Variants in JCAD observed in about 807,000 individuals in gnomAD.
JCAD encodes the protein junctional cadherin 5 associated.
Under a neutral mutation model 98.0 loss-of-function variants are expected in JCAD, and 40 were observed. That is an observed-to-expected ratio of 0.41 (90% CI 0.32 to 0.53). The LOEUF (loss-of-function observed/expected upper bound fraction) is 0.53. Ranked by LOEUF, JCAD falls within the 20% of genes least tolerant of loss-of-function variation. JCAD has a pLI of 0.31. For missense variants in JCAD, 1,705 were observed against 1,738.1 expected, an observed-to-expected ratio of 0.98 and a Z score of 0.34; for synonymous variants, 691 against 682.3, an observed-to-expected ratio of 1.01 and a Z score of -0.20.
At position 30,027,586 on chromosome 10, in the gene JCAD, G is replaced by GCTGCTGCTGCTA. The variant is rs1321090953; in HGVS notation, c.2550_2561dup (p.Ser856_Ser859dup). 12 of 1,614,018 alleles carry GCTGCTGCTGCTA rather than the reference G, an allele frequency of 7.4e-6. No individual in the cohort carries two copies. Among genetic ancestry groups the GCTGCTGCTGCTA allele is most frequent in the African/African-American group, 4.0e-5 (3 of 74,926 alleles). On this transcript the variant is annotated inframe_insertion, in exon 3 of 4. Transcript: ENST00000375377. ...CACTCTCCTCACTGCTGCTGCTGCT[G>GCTGCTGCTGCTA]CTGCTGCTGCTACTGCTGCTTTCTT...
chr10:30,040,335 A>C (rs555345665), intron 2 of JCAD, among the ~76,000 whole-genome samples: 134 of 152,336 alleles, frequency 8.8e-4, no homozygotes, highest in Admixed American at 3.2e-3. Flanking sequence ...GCTCTAATCC[A>C]TTCTCTCTCA....
intron 1 of JCAD, among the ~76,000 whole-genome samples, chr10:30,092,058 A>C (rs1434631490): frequency 1.7e-4 from 4 of 22,998 alleles, no homozygotes; most frequent in Admixed American, 2.1e-3. Flanking sequence ...AAAAAAAAAA[A>C]AAAAAAATAT....
chr10:30,062,813 C>G (rs549231430), upstream of JCAD, among the ~76,000 whole-genome samples: 18 of 152,348 alleles, frequency 1.2e-4, no homozygotes, highest in Non-Finnish European at 2.1e-4. Context: ...TTACCTCCCA[C>G]TGGGTCCCTC....
At position 30,022,252 on chromosome 10, in the gene JCAD, G is replaced by A. The variant is rs149623095; in HGVS notation, c.4045+3851C>T. Among the ~76,000 whole-genome samples the A allele has an allele frequency of 3.0e-3, 451 of 152,330 alleles. 12 individuals carry two copies. The highest frequency in any genetic ancestry group is 0.024 in the Admixed American group (374 of 15,300). ...TATGACAGGCACGGCACAAGGGTGT[G>A]TGTGTAGGGTGGGGTGGTGCGGATA... On this transcript the variant is annotated intron_variant, in intron 3 of 3. Transcript: ENST00000375377.
In JCAD at chr10:30,029,263, G is replaced by A; in HGVS notation, c.885C>T (p.Pro295=). Residue 295 remains proline, a synonymous_variant, in exon 3 of 4, where the codon CCC becomes CCT. Transcript: ENST00000375377. ...ACTGCTGGTGCGAGCTGTAAGATGG[G>A]GGCTTGAGGGGCCTCCCAAACTTAG... is the stretch of plus-strand genomic sequence containing the variant. ...PRPKFGRPLK[P]PSYSSHQQSR... 1 of 1,614,148 alleles carries A rather than the reference G, an allele frequency of 6.2e-7. No individual in the cohort carries two copies. Among genetic ancestry groups the A allele is most frequent in the Non-Finnish European group, 8.5e-7 (1 of 1,180,036 alleles).
chr10:30,041,701 T>C (rs577621822), intron 2 of JCAD, among the ~76,000 whole-genome samples: 10 of 152,342 alleles, frequency 6.6e-5, no homozygotes, highest in African/African-American at 1.4e-4. Context: ...AAAAAAATCT[T>C]ACCAGAATTC....
exon 2 of JCAD, chr10:30,069,778 T>C (rs1471103054): frequency 6.6e-6 from 1 of 152,118 alleles, no homozygotes; most frequent in Non-Finnish European, 1.5e-5. Flanking sequence ...TGAACTGTGA[T>C]TGCACCAATG....
At chr10:30,107,607 G>A (rs1408937064) in intron 1 of JCAD, among the ~76,000 whole-genome samples, 2 of 152,162 alleles carry the variant, frequency 1.3e-5, no homozygotes, top group Non-Finnish European at 2.9e-5. Context: ...CCACTGCTCT[G>A]CCTATGAAGT....
chr10:30,051,739 G>C (rs2132648971), intron 1 of JCAD, among the ~76,000 whole-genome samples: 1 of 152,232 alleles, frequency 6.6e-6, no homozygotes, highest in Admixed American at 6.5e-5. Context: ...GGGACCTGTA[G>C]TTACAAGTCC....
chr10:30,069,272 G>T (rs1035861948), intron 2 of JCAD, among the ~76,000 whole-genome samples: 5 of 151,986 alleles, frequency 3.3e-5, no homozygotes, highest in African/African-American at 1.2e-4. Context: ...AGCATTAGCT[G>T]AGGACTGGGG....
rs1836534113 is a variant in JCAD at position 30,016,377 on chromosome 10, G to C, written c.*1506C>G. On this transcript the variant is annotated 3_prime_UTR_variant, in exon 4 of 4. Coordinates refer to ENST00000375377, the MANE Select transcript of JCAD (RefSeq NM_020848.4). The stretch of plus-strand genomic sequence containing the variant: ...GGGCAAGAGGTAGCAAGGGAGGGAG[G>C]ACAGAAGGAAGGAAGAAAGGAAGGG... 1.6e-5 allele frequency: 2 copies of C among 128,840 alleles called. No individual in the cohort carries two copies. The highest frequency in any genetic ancestry group is 5.9e-5 in the African/African-American group (2 of 33,786). 8.0% of individuals were successfully genotyped at this position (128,840 alleles called of 1,614,324 possible). A position where few individuals can be genotyped will look rare whatever the true frequency, so the allele number is the denominator to read the frequency against.
intron 3 of JCAD, among the ~76,000 whole-genome samples, chr10:30,025,640 G>A (rs1836774389): frequency 1.4e-5 from 2 of 144,124 alleles, no homozygotes; most frequent in South Asian, 4.5e-4. Context: ...TGGATCTTTT[G>A]ACATTTATCT....
In JCAD at chr10:30,029,440, A is replaced by T; in HGVS notation, c.708T>A (p.Leu236=). ...CCGTGCAACTCAGGCTCTCGGGGGAAAGAACTCTAGGCAGTGAGCGAGACT... is the reference window on the plus strand; with the variant it reads ...CCGTGCAACTCAGGCTCTCGGGGGATAGAACTCTAGGCAGTGAGCGAGACT... ...KGKSRSLPRV[L]SPESLSCTEI... is the part of the protein sequence containing the mutation. The change falls in exon 3 of 4, where the codon CTT becomes CTA. Residue 236 remains leucine, a synonymous_variant. Transcript: ENST00000375377. The T allele has an allele frequency of 6.2e-7, 1 of 1,614,156 alleles. No homozygotes were observed. Among genetic ancestry groups the T allele is most frequent in the Non-Finnish European group, 8.5e-7 (1 of 1,180,016 alleles).
At chr10:30,115,225 T>C (rs1838771618) in intron 1 of JCAD, 1 of 152,202 alleles carries the variant, frequency 6.6e-6, no homozygotes, top group Non-Finnish European at 1.5e-5. Flanking sequence ...TTTATCACTT[T>C]ATTCCCCTTT....
chr10:30,091,916 T>A (rs1838273465), intron 1 of JCAD, among the ~76,000 whole-genome samples: 1 of 144,434 alleles, frequency 6.9e-6, no homozygotes, highest in African/African-American at 2.5e-5. Context: ...TAATCCCAGC[T>A]ACCTGGGAGG....
rs144238064 is a variant in JCAD at position 30,027,307 on chromosome 10, T to C, written c.2841A>G (p.Ser947=). ...VEEGGGAPFC[S]ADGSTSAEKR... is the part of the protein sequence containing the mutation. The stretch of plus-strand genomic sequence containing the variant: ...TCTCTGCACTCGTGCTTCCATCTGC[T>C]GAGCAGAAAGGTGCACCGCCACCTT... The change falls in exon 3 of 4, where the codon TCA becomes TCG. Residue 947 remains serine, a synonymous_variant. Transcript: ENST00000375377. 77 of 1,614,018 alleles carry C rather than the reference T, an allele frequency of 4.8e-5. No homozygotes were observed. The African/African-American group carries it at 8.8e-4, about 18-fold the overall frequency.
chr10:30,103,613 T>TACAC (rs5784175), intron 1 of JCAD, among the ~76,000 whole-genome samples: 53 of 97,584 alleles, frequency 5.4e-4, no homozygotes, highest in Middle Eastern at 5.9e-3. Context: ...TATGTATAAA[T>TACAC]ACACACACAC....
At chr10:30,106,588 C>T (rs1172755673) in intron 1 of JCAD, among the ~76,000 whole-genome samples, 1 of 152,196 alleles carries the variant, frequency 6.6e-6, no homozygotes, top group Non-Finnish European at 1.5e-5. Flanking sequence ...GCAACCTCTG[C>T]CTCCTGGGTT....
Position 30,015,322 on chromosome 10 carries a change from G to C in JCAD, c.*2561C>G, listed in dbSNP as rs1836511890. ...AAAAAACGAAGTTATGTATGTATGA[G>C]AAATAGAAACAATAACTAAACAATT... On this transcript the variant is annotated 3_prime_UTR_variant, in exon 4 of 4. Transcript: ENST00000375377. 2.0e-5 allele frequency: 3 copies of C among 152,130 alleles called. No homozygotes were observed. Among genetic ancestry groups the C allele is most frequent in the Non-Finnish European group, 4.4e-5 (3 of 68,022 alleles). The allele number at this position is 152,130 out of a possible 1,614,324, so 9.4% of individuals were successfully genotyped here.
Sources: gnomAD v4.1 joint callset for allele counts (sites outside exome capture counted in the v4.1 genomes callset) on GRCh38, gnomAD v4.1.1 for gene constraint, MANE v1.5 for transcripts, NCBI Gene and HGNC (gene_info 2026-07-23, HGNC 2026-07-21) for gene names.